Variants in UGT2B11 observed in about 807,000 individuals in gnomAD.
UGT2B11 encodes the protein UDP glucuronosyltransferase family 2 member B11.
A neutral mutation model predicts 51.7 loss-of-function variants in UGT2B11; 49 were observed. The ratio of observed to expected loss-of-function variants is 0.95; its 90% CI spans 0.75 to 1.20. The LOEUF is 1.20. Among genes scored for constraint, UGT2B11 ranks in the 50% most tolerant of loss-of-function variants. The pLI, the probability that UGT2B11 is intolerant of heterozygous loss-of-function variation, is 0.00. For synonymous variants in UGT2B11, 273 were observed against 209.0 expected (o/e 1.31, Z -2.64); for missense variants, 810 against 622.1 (o/e 1.30, Z -3.21).
chr4:69,207,959 G>A (rs1400764703), intron 3 of UGT2B11, among the ~76,000 whole-genome samples: 7 of 151,694 alleles, frequency 4.6e-5, no homozygotes, highest in African/African-American at 1.7e-4. Context: ...ACACTTGAAA[G>A]TCATTCTAAA....
intron 2 of UGT2B11, among the ~76,000 whole-genome samples, chr4:69,212,276 A>G (rs1282241478): frequency 1.3e-5 from 2 of 151,522 alleles, no homozygotes; most frequent in Admixed American, 1.3e-4. Flanking sequence ...ATCCTTTTAT[A>G]AGTATTATTT....
Position 69,204,602 on chromosome 4 carries a change from T to G in UGT2B11, c.1138A>C (p.Ile380Leu), listed in dbSNP as rs377330008. The G allele has an allele frequency of 6.2e-7, 1 of 1,612,056 alleles. No homozygotes were observed. The highest frequency in any genetic ancestry group is 8.5e-7 in the Non-Finnish European group (1 of 1,178,724). ...ATCCCATGGTAGATTGCCTCATAGA[T>G]GCCATTGGCTCCACCATGAGTTATA... ...AFITHGGANGIYEAIYHGIPM... is the reference protein window; with the variant it reads ...AFITHGGANGLYEAIYHGIPM... Residue 380 changes from isoleucine to leucine, a missense_variant, in exon 5 of 6, where the codon ATC becomes CTC. Coordinates refer to ENST00000446444, the MANE Select transcript of UGT2B11 (RefSeq NM_001073.3).
chr4:69,200,312 A>ATTTTTTT lies in UGT2B11; in HGVS notation c.*121_*127dup, dbSNP rs11340393. On this transcript the variant is annotated 3_prime_UTR_variant, in exon 6 of 6. Transcript: ENST00000446444. ...TTTACTTGACAAGGTAGATTTGAAA[A>ATTTTTTT]TTTTTTTTTTTTTTTTTTTTTTGTC... The ATTTTTTT allele has an allele frequency of 1.4e-3, 1,177 of 818,232 alleles. 2 individuals are homozygous for ATTTTTTT. Among genetic ancestry groups the ATTTTTTT allele is most frequent in the South Asian group, 5.0e-3 (95 of 18,950 alleles). The allele number at this position is 818,232 out of a possible 1,614,324, so 50.7% of individuals were successfully genotyped here. A position where few individuals can be genotyped will look rare whatever the true frequency, so the allele number is the denominator to read the frequency against.
At chr4:69,202,910 A>G (rs141618269) in intron 5 of UGT2B11, among the ~76,000 whole-genome samples, 1,675 of 151,704 alleles carry the variant, frequency 0.011, 31 homozygotes, top group African/African-American at 0.037. Flanking sequence ...TACCCTCCTT[A>G]CACAAAAACT....
At chr4:69,224,878 G>A in the UGT2B11 span, among the ~76,000 whole-genome samples, 1 of 152,108 alleles carries the variant, frequency 6.6e-6, no homozygotes, top group Admixed American at 6.6e-5. Flanking sequence ...TCTTTAAGGC[G>A]GGAAATACAT....
rs565886562 is a variant in UGT2B11 at position 69,211,818 on chromosome 4, G to A, written c.870+755C>T. Among the ~76,000 whole-genome samples the A allele has an allele frequency of 9.8e-4, 149 of 151,376 alleles. 1 individual carries two copies. Among genetic ancestry groups the A allele is most frequent in the African/African-American group, 2.2e-3 (91 of 41,354 alleles). On this transcript the variant is annotated intron_variant, in intron 2 of 5. Coordinates refer to ENST00000446444, the MANE Select transcript of UGT2B11 (RefSeq NM_001073.3). ...GAGGCTTTTCTTAAAAAAGAGAATCGTTTCATATATATTTATTTCTTAACT... is the reference window on the plus strand; with the variant it reads ...GAGGCTTTTCTTAAAAAAGAGAATCATTTCATATATATTTATTTCTTAACT...
chr4:69,214,172 C>T lies in UGT2B11; in HGVS notation c.551G>A (p.Ser184Asn), dbSNP rs375778077. The change falls in exon 1 of 6, where the codon AGT (serine) becomes AAT (asparagine). Residue 184 changes from serine to asparagine, a missense_variant. Ser to Asn is a conservative substitution (Grantham distance 46). Transcript: ENST00000446444. ...GGAAGGAGGGAAAATCAGTCCTCCA[C>T]TGTGCCTTTCAATTGTGTAGCCAGG... ...FTPGYTIERH[S>N]GGLIFPPSYI... The T allele has an allele frequency of 1.2e-5, 19 of 1,612,786 alleles. No individual in the cohort carries two copies. The highest frequency in any genetic ancestry group is 1.6e-5 in the Non-Finnish European group (19 of 1,179,342).
chr4:69,204,240 C>T (rs1379858190), intron 5 of UGT2B11, 190 bp downstream of exon 5: 97 of 819,972 alleles, frequency 1.2e-4, no homozygotes, highest in South Asian at 1.9e-4. Flanking sequence ...ACTGGTTACT[C>T]ATTAGATGTA....
upstream of UGT2B11, chr4:69,215,953 T>A (rs1412809404): frequency 1.3e-5 from 2 of 152,056 alleles, no homozygotes; most frequent in South Asian, 2.1e-4. Context: ...TTGTTAAAAA[T>A]CTCAAATGCA....
In UGT2B11 at chr4:69,200,415, T is replaced by C; in HGVS notation, c.*25A>G. 1 of 1,597,038 alleles carries C rather than the reference T, an allele frequency of 6.3e-7. No homozygotes were observed. The highest frequency in any genetic ancestry group is 8.5e-7 in the Non-Finnish European group (1 of 1,170,734). On this transcript the variant is annotated 3_prime_UTR_variant, in exon 6 of 6. Coordinates refer to ENST00000446444, the MANE Select transcript of UGT2B11 (RefSeq NM_001073.3). Reference sequence around the variant, plus strand: ...CTGAAGTTGTCCTATCTATCTGGTTTTCCAGCTTCAAATGTCAGACATAAC... The same window carrying C: ...CTGAAGTTGTCCTATCTATCTGGTTCTCCAGCTTCAAATGTCAGACATAAC...
Position 69,214,662 on chromosome 4 carries a change from C to T in UGT2B11, c.61G>A (p.Gly21Arg). The change falls in exon 1 of 6, where the codon GGG becomes AGG. Residue 21 changes from glycine (G) to arginine (R), a missense_variant. Transcript: ENST00000446444. The part of the protein sequence containing the change: ...LIHLSCYFSS[G>R]SCGKVLVWAA... ...CACACCAGCACTTTTCCACAACTCC[C>T]AGAGCTAAAGTAACAACTGAGATGT... 6.2e-7 allele frequency: 1 copy of T among 1,613,026 alleles called. No individual in the cohort carries two copies. Among genetic ancestry groups the T allele is most frequent in the Non-Finnish European group, 8.5e-7 (1 of 1,179,256 alleles).
intron 3 of UGT2B11, 117 bp downstream of exon 3, chr4:69,208,234 A>T: frequency 1.3e-6 from 2 of 1,543,402 alleles, no homozygotes; most frequent in Non-Finnish European, 1.7e-6. Context: ...AAGCATATTT[A>T]AGGATGTATT....
rs1192351015 is a variant in UGT2B11 at position 69,200,730 on chromosome 4, A to G, written c.1311-11T>C. On this transcript the variant is annotated splice_polypyrimidine_tract_variant and intron_variant, in intron 5 of 5. Coordinates refer to ENST00000446444, the MANE Select transcript of UGT2B11 (RefSeq NM_001073.3). ...ATATTCTCTTTATATCTGAAGGATAAAAATAAGGATACCAACACTGAAAGT... is the reference window on the plus strand; with the variant it reads ...ATATTCTCTTTATATCTGAAGGATAGAAATAAGGATACCAACACTGAAAGT... 11 of 1,602,438 alleles carry G rather than the reference A, an allele frequency of 6.9e-6. No homozygotes were observed. The highest frequency in any genetic ancestry group is 5.1e-5 in the Admixed American group (3 of 58,578).
intron 5 of UGT2B11, 124 bp downstream of exon 5, chr4:69,204,306 A>G: frequency 2.9e-6 from 4 of 1,401,834 alleles, no homozygotes; most frequent in Non-Finnish European, 3.8e-6. Context: ...CAGATTTCAG[A>G]TTGGTTATAT....
chr4:69,215,006 A>G, upstream of UGT2B11: 2 of 343,154 alleles, frequency 5.8e-6, no homozygotes, highest in Non-Finnish European at 1.0e-5. Flanking sequence ...AATAGTGTCA[A>G]GAACAGTGGC....
the UGT2B11 span, among the ~76,000 whole-genome samples, chr4:69,219,948 T>C: frequency 6.6e-6 from 1 of 152,142 alleles, no homozygotes; most frequent in Non-Finnish European, 1.5e-5. Flanking sequence ...AATTTCAGCA[T>C]TAACTCAAAA....
upstream of UGT2B11, among the ~76,000 whole-genome samples, chr4:69,216,982 A>G (rs948130299): frequency 8.5e-5 from 13 of 152,100 alleles, no homozygotes; most frequent in African/African-American, 3.1e-4. Flanking sequence ...CAATTATGAT[A>G]TTAGCATCAT....
upstream of UGT2B11, chr4:69,216,175 A>G: frequency 6.6e-6 from 1 of 152,052 alleles, no homozygotes; most frequent in Non-Finnish European, 1.5e-5. Context: ...ACAGCTCACT[A>G]CTGAGAACTG....
At position 69,200,721 on chromosome 4, in the gene UGT2B11, T is replaced by A. The variant is rs1721627445; in HGVS notation, c.1311-2A>T. ...AATTTCATAATATTCTCTTTATATC[T>A]GAAGGATAAAAATAAGGATACCAAC... is the stretch of plus-strand genomic sequence containing the variant. On this transcript the variant is annotated splice_acceptor_variant, in intron 5 of 5. Coordinates refer to ENST00000446444, the MANE Select transcript of UGT2B11 (RefSeq NM_001073.3). LOFTEE classifies it high-confidence loss of function. 1 of 1,604,352 alleles carries A rather than the reference T, an allele frequency of 6.2e-7. No individual in the cohort carries two copies. The highest frequency in any genetic ancestry group is 1.3e-5 in the African/African-American group (1 of 74,448).
Sources: gnomAD v4.1 joint callset for allele counts (sites outside exome capture counted in the v4.1 genomes callset) on GRCh38, gnomAD v4.1.1 for gene constraint, MANE v1.5 for transcripts, NCBI Gene and HGNC (gene_info 2026-07-23, HGNC 2026-07-21) for gene names.